Variants in SLC38A6 observed in about 807,000 individuals in gnomAD.
SLC38A6 encodes the protein solute carrier family 38 member 6.
SLC38A6 carries 73 observed loss-of-function variants against 65.0 expected under a neutral mutation model. That is an observed-to-expected ratio of 1.12 (90% CI 0.93 to 1.37). The LOEUF (loss-of-function observed/expected upper bound fraction) is 1.37, where lower values mean the gene tolerates loss of function less well. Ranked by LOEUF, SLC38A6 falls within the 40% of genes most tolerant of loss-of-function variation. The pLI, the probability that SLC38A6 is intolerant of heterozygous loss-of-function variation, is 0.00. For missense variants in SLC38A6, 561 were observed against 531.1 expected (o/e 1.06, Z -0.55); for synonymous variants, 183 against 178.8 (o/e 1.02, Z -0.19).
intron 5 of SLC38A6, 93 bp downstream of exon 5, chr14:61,019,673 C>A: frequency 7.7e-7 from 1 of 1,303,664 alleles, no homozygotes; most frequent in Non-Finnish European, 1.1e-6. Context: ...CTGGGAACTT[C>A]TGTAGACATA....
At position 61,013,765 on chromosome 14, in the gene SLC38A6, G is replaced by C. The variant is rs181770563; in HGVS notation, c.311-2139G>C. Among the ~76,000 whole-genome samples, 73 of 152,340 alleles carry C rather than the reference G, an allele frequency of 4.8e-4. No homozygotes were observed. In the Middle Eastern group the frequency reaches 0.017, roughly 35 times the overall value. On this transcript the variant is annotated intron_variant, in intron 3 of 15. Coordinates refer to ENST00000267488, the MANE Select transcript of SLC38A6 (RefSeq NM_153811.3). Reference sequence around the variant, plus strand: ...CTGCCAAGAGATCAGCTGTTAGTCTGATGGGCTTCCCATTGTGGGTAACCC... The same window carrying C: ...CTGCCAAGAGATCAGCTGTTAGTCTCATGGGCTTCCCATTGTGGGTAACCC...
At chr14:61,029,387 C>T (rs936572572) in intron 5 of SLC38A6, among the ~76,000 whole-genome samples, 3 of 152,190 alleles carry the variant, frequency 2.0e-5, no homozygotes, top group Admixed American at 1.3e-4. Flanking sequence ...GAACTCCTGA[C>T]CTCGTCAACC....
At chr14:61,051,502 A>G (rs893655581) in intron 13 of SLC38A6, among the ~76,000 whole-genome samples, 1 of 152,116 alleles carries the variant, frequency 6.6e-6, no homozygotes, top group South Asian at 2.1e-4. Context: ...CTTTTTTCAT[A>G]TTTTTATTGT....
Position 61,072,715 on chromosome 14 carries a change from G to C in SLC38A6, c.1291-6095G>C, listed in dbSNP as rs112502567. ...TTGTTGCAAATGAAAAGATCTCATT[G>C]TTTTTATGGCTGAATAGCACTCCAT... On this transcript the variant is annotated intron_variant, in intron 15 of 16. Coordinates refer to the SLC38A6 transcript ENST00000354886. Among the ~76,000 whole-genome samples, 1,128 of 152,224 alleles carry C rather than the reference G, an allele frequency of 7.4e-3. 15 individuals are homozygous for C. The highest frequency in any genetic ancestry group is 0.025 in the African/African-American group (1,059 of 41,552).
chr14:61,017,626 A>G (rs1052532247), intron 4 of SLC38A6, among the ~76,000 whole-genome samples: 1 of 152,252 alleles, frequency 6.6e-6, no homozygotes, highest in African/African-American at 2.4e-5. Context: ...AACTCTAAGT[A>G]TCAACACTGA....
At chr14:60,990,433 C>G (rs1053124004) in intron 3 of SLC38A6, among the ~76,000 whole-genome samples, 1 of 152,158 alleles carries the variant, frequency 6.6e-6, no homozygotes, top group African/African-American at 2.4e-5. Flanking sequence ...GTGACATCTC[C>G]ACTTGGATGT....
intron 3 of SLC38A6, among the ~76,000 whole-genome samples, chr14:60,989,396 C>T (rs2037694105): frequency 6.6e-6 from 1 of 152,102 alleles, no homozygotes; most frequent in Admixed American, 6.5e-5. Context: ...TTTGAATATG[C>T]CTCATGTCTT....
chr14:61,014,023 A>G (rs908344779), intron 3 of SLC38A6, among the ~76,000 whole-genome samples: 1 of 152,042 alleles, frequency 6.6e-6, no homozygotes, highest in Non-Finnish European at 1.5e-5. Flanking sequence ...AGGTACACCA[A>G]TCAGACGTAG....
At chr14:61,044,400 A>G (rs146649017) in intron 10 of SLC38A6, among the ~76,000 whole-genome samples, 1 of 152,342 alleles carries the variant, frequency 6.6e-6, no homozygotes, top group African/African-American at 2.4e-5. Flanking sequence ...AGATCTAGGT[A>G]GGATAATTGA....
chr14:61,017,017 C>T (rs1247269946), intron 4 of SLC38A6, among the ~76,000 whole-genome samples: 1 of 152,130 alleles, frequency 6.6e-6, no homozygotes, highest in Non-Finnish European at 1.5e-5. Flanking sequence ...CCTGTATTTA[C>T]ATTCCAGTTA....
intron 15 of SLC38A6, among the ~76,000 whole-genome samples, chr14:61,062,437 A>G (rs2042880547): frequency 6.6e-6 from 1 of 150,542 alleles, no homozygotes; most frequent in Non-Finnish European, 1.5e-5. Flanking sequence ...TTTCATATGC[A>G]TATTTGCCAT....
chr14:61,028,688 ACTT>A (rs2040750959), intron 5 of SLC38A6, among the ~76,000 whole-genome samples: 1 of 152,190 alleles, frequency 6.6e-6, no homozygotes, highest in South Asian at 2.1e-4. Flanking sequence ...ACATAGCTGT[ACTT>A]CTGCTAGGGA....
rs182015611 is a variant in SLC38A6, at chr14:61,079,574, G to T, written c.1408+647G>T. On this transcript the variant is annotated intron_variant, in intron 16 of 16. Transcript: ENST00000354886. ...TACCTGACTATGACTTAATGTAACT[G>T]CTCCATTACTCAGGAAACCTATGCT... Among the ~76,000 whole-genome samples the T allele has an allele frequency of 7.2e-5, 11 of 152,170 alleles. No homozygotes were observed. The East Asian group carries it at 1.9e-3, about 27-fold the overall frequency.
chr14:61,040,141 G>T (rs2041700435), intron 8 of SLC38A6, among the ~76,000 whole-genome samples: 1 of 151,676 alleles, frequency 6.6e-6, no homozygotes, highest in Admixed American at 6.6e-5. Flanking sequence ...TCTAAGCAAC[G>T]TTTTAATACG....
chr14:61,068,168 A>G (rs1388979457), intron 15 of SLC38A6, among the ~76,000 whole-genome samples: 7 of 152,010 alleles, frequency 4.6e-5, no homozygotes, highest in South Asian at 2.1e-4. Flanking sequence ...GGGCTCCACA[A>G]TCACTTCAAA....
intron 12 of SLC38A6, among the ~76,000 whole-genome samples, chr14:61,047,883 G>A (rs2042246568): frequency 6.6e-6 from 1 of 151,872 alleles, no homozygotes; most frequent in South Asian, 2.1e-4. Flanking sequence ...AAAATCACAT[G>A]GTAGGTAGGT....
intron 12 of SLC38A6, 35 bp from the exon 13 acceptor site, chr14:61,050,477 A>G (rs1594751897): frequency 2.2e-6 from 3 of 1,391,586 alleles, no homozygotes; most frequent in Non-Finnish European, 2.0e-6. Flanking sequence ...ATACCTTAGT[A>G]CTTTATAATG....
intron 5 of SLC38A6, 124 bp downstream of exon 5, chr14:61,019,704 T>A (rs1263539671): frequency 1.1e-6 from 1 of 933,152 alleles, no homozygotes; most frequent in East Asian, 2.5e-5. Context: ...GAAGCCTGTG[T>A]GTTGGCCTCT....
chr14:61,014,687 T>C (rs917389690), intron 3 of SLC38A6, among the ~76,000 whole-genome samples: 2 of 152,228 alleles, frequency 1.3e-5, no homozygotes, highest in African/African-American at 4.8e-5. Flanking sequence ...CAGCAGAGGC[T>C]GCAGAACAGC....
Sources: gnomAD v4.1 joint callset for allele counts (sites outside exome capture counted in the v4.1 genomes callset) on GRCh38, gnomAD v4.1.1 for gene constraint, MANE v1.5 for transcripts, NCBI Gene and HGNC (gene_info 2026-07-23, HGNC 2026-07-21) for gene names.